HSD17B12: variants seen among roughly 807,000 people sequenced by gnomAD.
HSD17B12 encodes the protein hydroxysteroid 17-beta dehydrogenase 12.
HSD17B12 carries 32 observed loss-of-function variants against 39.3 expected under a neutral mutation model. That is an observed-to-expected ratio of 0.81 (90% CI 0.61 to 1.09). The LOEUF is 1.09. HSD17B12 is among the 50% of genes least tolerant of loss of function. The pLI is 0.00. For missense variants in HSD17B12, 342 were observed against 382.9 expected, an observed-to-expected ratio of 0.89 and a Z score of 0.89; for synonymous variants, 150 against 146.7, an observed-to-expected ratio of 1.02 and a Z score of -0.16.
chr11:43,744,371 G>C (rs1399205102), intron 1 of HSD17B12, among the ~76,000 whole-genome samples: 1 of 151,980 alleles, frequency 6.6e-6, no homozygotes, highest in Non-Finnish European at 1.5e-5. Flanking sequence ...AAAAAAGCAG[G>C]TTACATAGAA....
rs117226218 is a variant in HSD17B12, at chr11:43,732,773, G to A, written c.161-18138G>A. Among the ~76,000 whole-genome samples the A allele has an allele frequency of 7.3e-4, 111 of 152,108 alleles. 1 individual carries two copies. In the East Asian group the frequency reaches 0.01, roughly 14 times the overall value. On this transcript the variant is annotated intron_variant, in intron 1 of 10. Transcript: ENST00000278353. ...GCCACTGTGCCCAGTTGAAGTTCAC[G>A]TTATTAATTAACTAATTAATTAATT...
chr11:43,816,269 C>G, intron 5 of HSD17B12, 78 bp from the exon 6 acceptor site: 1 of 1,184,520 alleles, frequency 8.4e-7, no homozygotes, highest in Non-Finnish European at 1.1e-6. Context: ...CAATGCTTCT[C>G]TAGATTACCT....
chr11:43,577,415 G>A, the HSD17B12 span, among the ~76,000 whole-genome samples: 4 of 152,202 alleles, frequency 2.6e-5, no homozygotes, highest in African/African-American at 9.6e-5. Flanking sequence ...GATGAGCCAA[G>A]GCCCGGCGTT....
intron 1 of HSD17B12, among the ~76,000 whole-genome samples, chr11:43,739,976 A>G (rs376405991): frequency 3.3e-5 from 5 of 152,118 alleles, no homozygotes; most frequent in African/African-American, 1.2e-4. Flanking sequence ...TTTTGGCTAC[A>G]ATGTAGAGAT....
intron 1 of HSD17B12, among the ~76,000 whole-genome samples, chr11:43,728,733 T>C (rs2134882107): frequency 6.6e-6 from 1 of 152,294 alleles, no homozygotes; most frequent in Admixed American, 6.5e-5. Context: ...GAAATAAACA[T>C]TGTTAAAACA....
At chr11:43,581,125 A>AGG in the HSD17B12 span, among the ~76,000 whole-genome samples, 1 of 152,002 alleles carries the variant, frequency 6.6e-6, no homozygotes, top group Non-Finnish European at 1.5e-5. This position sits in a 1 kb window ranked among gnomAD's most constrained non-coding sequence, Gnocchi z 4.9. Flanking sequence ...GCGACAGGAA[A>AGG]GGGGTGGAGG....
chr11:43,681,985 T>C (rs1213310670), intron 1 of HSD17B12, among the ~76,000 whole-genome samples: 1 of 152,224 alleles, frequency 6.6e-6, no homozygotes, highest in Admixed American at 6.5e-5. Context: ...TATAATCGAA[T>C]GTGCACTTCC....
At chr11:43,680,351 T>TGTTA (rs1318086401), upstream of HSD17B12, among the ~76,000 whole-genome samples, 1 of 152,080 alleles carries the variant, frequency 6.6e-6, no homozygotes, top group Non-Finnish European at 1.5e-5. Context: ...GGATTACAGG[T>TGTTA]GTTAGCCACC....
the HSD17B12 span, among the ~76,000 whole-genome samples, chr11:43,633,313 C>T: frequency 1.4e-4 from 22 of 152,252 alleles, no homozygotes; most frequent in Non-Finnish European, 2.9e-4. Flanking sequence ...AGGAGGATCA[C>T]CTGAGGTCAG....
chr11:43,848,934 C>T (rs185118567), intron 9 of HSD17B12, among the ~76,000 whole-genome samples: 137 of 152,302 alleles, frequency 9.0e-4, no homozygotes, highest in African/African-American at 3.2e-3. Context: ...CAGTATCTTA[C>T]TATCTGGCCT....
chr11:43,584,334 C>G, the HSD17B12 span, among the ~76,000 whole-genome samples: 1 of 152,190 alleles, frequency 6.6e-6, no homozygotes, highest in Non-Finnish European at 1.5e-5. Flanking sequence ...CTTCTCTGTC[C>G]TGGGGACTTC....
chr11:43,557,463 C>G, the HSD17B12 span, among the ~76,000 whole-genome samples: 1 of 152,168 alleles, frequency 6.6e-6, no homozygotes, highest in African/African-American at 2.4e-5. Context: ...GGTAATATGT[C>G]TTGCATAGAG....
chr11:43,766,368 G>A (rs1950595652), intron 3 of HSD17B12, among the ~76,000 whole-genome samples: 1 of 151,980 alleles, frequency 6.6e-6, no homozygotes, highest in South Asian at 2.1e-4. Context: ...TTTCTCTTAG[G>A]GACTTCTGTC....
At chr11:43,719,242 G>C (rs1950154138) in intron 1 of HSD17B12, 1 of 575,414 alleles carries the variant, frequency 1.7e-6, no homozygotes, top group Non-Finnish European at 3.1e-6. Flanking sequence ...CCATATACAG[G>C]CATTGACATT....
chr11:43,829,805 A>G (rs546342348), intron 6 of HSD17B12: 18 of 152,224 alleles, frequency 1.2e-4, no homozygotes, highest in Admixed American at 5.2e-4. Context: ...CCTTCACAAA[A>G]TGCTGGGGGA....
the HSD17B12 span, among the ~76,000 whole-genome samples, chr11:43,577,280 G>C: frequency 3.3e-5 from 5 of 152,232 alleles, no homozygotes; most frequent in African/African-American, 9.6e-5. Context: ...ATACGGGGAC[G>C]AGAGGGTTAA....
chr11:43,784,290 G>T (rs985086441), intron 3 of HSD17B12, among the ~76,000 whole-genome samples: 1 of 146,312 alleles, frequency 6.8e-6, no homozygotes, highest in Non-Finnish European at 1.5e-5. Context: ...AGTAGTTTAG[G>T]TCAGGGATTG....
At chr11:43,664,941 G>A in the HSD17B12 span, among the ~76,000 whole-genome samples, 3 of 152,144 alleles carry the variant, frequency 2.0e-5, no homozygotes, top group East Asian at 1.9e-4. Context: ...TTCATGAAAC[G>A]ATGAATGAAG....
chr11:43,590,599 G>T, the HSD17B12 span, among the ~76,000 whole-genome samples: 1 of 140,830 alleles, frequency 7.1e-6, no homozygotes, highest in Non-Finnish European at 1.5e-5. Context: ...CTGCCTCCCA[G>T]GTTCAAGCAA....
Sources: allele counts gnomAD v4.1 joint callset (sites outside exome capture counted in the v4.1 genomes callset), GRCh38; gene constraint gnomAD v4.1.1; non-coding constraint Gnocchi (gnomAD v3.1); transcripts MANE v1.5; gene names NCBI Gene and HGNC (gene_info 2026-07-23, HGNC 2026-07-21).